Variants in FAR2 observed in about 807,000 individuals in gnomAD.
FAR2 encodes fatty acyl-CoA reductase 2, also known as epididymis secretory protein Li 81.
A neutral mutation model predicts 56.0 loss-of-function variants in FAR2; 19 were observed. The ratio of observed to expected loss-of-function variants is 0.34; its 90% CI spans 0.24 to 0.50. The LOEUF is 0.50. Ranked by LOEUF, FAR2 falls within the 20% of genes least tolerant of loss-of-function variation. The pLI, the probability that FAR2 is intolerant of heterozygous loss-of-function variation, is 0.98. For synonymous variants in FAR2, 219 were observed against 218.8 expected (o/e 1.00, Z -0.01); for missense variants, 508 against 642.2 (o/e 0.79, Z 2.26).
intron 1 of FAR2, among the ~76,000 whole-genome samples, chr12:29,186,651 T>A (rs1950043241): frequency 6.6e-6 from 1 of 152,284 alleles, no homozygotes; most frequent in South Asian, 2.1e-4. Context: ...ATATGCAATA[T>A]CTTTACCATT....
intron 1 of FAR2, among the ~76,000 whole-genome samples, chr12:29,182,770 T>C (rs908988495): frequency 3.3e-5 from 5 of 152,128 alleles, no homozygotes; most frequent in Non-Finnish European, 7.3e-5. Flanking sequence ...AGGATGTAGA[T>C]GGAGGGTTTT....
At chr12:29,268,312 AG>A (rs1450694789) in intron 1 of FAR2, among the ~76,000 whole-genome samples, 7 of 152,178 alleles carry the variant, frequency 4.6e-5, no homozygotes, top group Admixed American at 2.0e-4. Context: ...GTGGACAGAA[AG>A]GAAGATCTTC....
intron 1 of FAR2, among the ~76,000 whole-genome samples, chr12:29,237,513 G>A (rs1947960043): frequency 6.6e-6 from 1 of 152,186 alleles, no homozygotes; most frequent in Non-Finnish European, 1.5e-5. Flanking sequence ...AATATTTTGT[G>A]TGATGAAATA....
chr12:29,264,998 T>C (rs969333400), intron 1 of FAR2, among the ~76,000 whole-genome samples: 1 of 152,072 alleles, frequency 6.6e-6, no homozygotes, highest in Non-Finnish European at 1.5e-5. Context: ...ATAAAACCTA[T>C]AAAACATTGA....
chr12:29,207,566 G>T (rs1212192601), intron 1 of FAR2, among the ~76,000 whole-genome samples: 1 of 152,146 alleles, frequency 6.6e-6, no homozygotes, highest in African/African-American at 2.4e-5. Flanking sequence ...CCATTTACTT[G>T]CTACTATGGT....
chr12:29,202,896 G>A (rs756254095), intron 1 of FAR2, among the ~76,000 whole-genome samples: 2 of 152,102 alleles, frequency 1.3e-5, no homozygotes, highest in Non-Finnish European at 2.9e-5. Flanking sequence ...ACCCAGTCTC[G>A]GGTATCACTT....
intron 2 of FAR2, among the ~76,000 whole-genome samples, chr12:29,275,211 G>A (rs953854014): frequency 6.6e-6 from 1 of 151,872 alleles, no homozygotes; most frequent in Non-Finnish European, 1.5e-5. Context: ...GATTTGGGTA[G>A]GTAAAGGAAA....
chr12:29,178,196 A>G (rs1042749550), intron 1 of FAR2, among the ~76,000 whole-genome samples: 1 of 147,714 alleles, frequency 6.8e-6, no homozygotes, highest in African/African-American at 2.5e-5. Flanking sequence ...AAAAAAAAAA[A>G]GAAATTGGAG....
At chr12:29,170,681 C>T (rs980574749) in intron 1 of FAR2, among the ~76,000 whole-genome samples, 8 of 151,504 alleles carry the variant, frequency 5.3e-5, no homozygotes, top group Non-Finnish European at 1.0e-4. Context: ...TTCTCTGTCT[C>T]TTCCTCTCTC....
chr12:29,306,678 T>C (rs1949258367), intron 4 of FAR2, among the ~76,000 whole-genome samples: 1 of 152,232 alleles, frequency 6.6e-6, no homozygotes. Flanking sequence ...ACAATACTTT[T>C]GTTGCTTTCT....
chr12:29,185,334 A>G (rs1950031367), intron 1 of FAR2, among the ~76,000 whole-genome samples: 1 of 152,242 alleles, frequency 6.6e-6, no homozygotes, highest in African/African-American at 2.4e-5. Context: ...CTTCATTGGT[A>G]TCTATTGTTC....
intron 9 of FAR2, chr12:29,317,871 A>T (rs1256203183): frequency 6.5e-6 from 1 of 152,678 alleles, no homozygotes; most frequent in African/African-American, 2.4e-5. Flanking sequence ...AGTGACAGGA[A>T]GGATGTGGAG....
intron 1 of FAR2, among the ~76,000 whole-genome samples, chr12:29,249,298 C>T (rs1254272723): frequency 6.6e-6 from 1 of 152,154 alleles, no homozygotes; most frequent in South Asian, 2.1e-4. Context: ...CCGGTCCCTC[C>T]GTTTGGGGTC....
chr12:29,280,129 T>G (rs536681191), intron 2 of FAR2, among the ~76,000 whole-genome samples: 410 of 152,290 alleles, frequency 2.7e-3, no homozygotes, highest in Non-Finnish European at 3.7e-3. Context: ...TTCACCATGT[T>G]GGCCAGGCTT....
intron 1 of FAR2, among the ~76,000 whole-genome samples, chr12:29,181,210 T>C (rs1192103802): frequency 6.6e-6 from 1 of 152,204 alleles, no homozygotes; most frequent in East Asian, 1.9e-4. Flanking sequence ...CGTTCACCCG[T>C]AGAATTACAC....
intron 1 of FAR2, among the ~76,000 whole-genome samples, chr12:29,160,173 C>T (rs1346156153): frequency 6.6e-6 from 1 of 152,190 alleles, no homozygotes; most frequent in East Asian, 1.9e-4. Flanking sequence ...TCCTTGAAGT[C>T]CTCTAGACTT....
At chr12:29,321,225 C>A (rs752965164) in intron 9 of FAR2, among the ~76,000 whole-genome samples, 1 of 151,766 alleles carries the variant, frequency 6.6e-6, no homozygotes, top group Non-Finnish European at 1.5e-5. Context: ...CAAGAAAGTA[C>A]AATAAAAATG....
chr12:29,281,227 A>T (rs571124733), intron 2 of FAR2: 2 of 151,344 alleles, frequency 1.3e-5, no homozygotes, highest in Non-Finnish European at 2.9e-5. Context: ...GAAGTTGAAG[A>T]AAAAATAAAA....
intron 1 of FAR2, among the ~76,000 whole-genome samples, chr12:29,158,051 A>G (rs185811975): frequency 6.6e-6 from 1 of 152,354 alleles, no homozygotes; most frequent in Admixed American, 6.5e-5. Context: ...GATGGATGGT[A>G]TTCAGTTAGT....
Sources: allele counts gnomAD v4.1 joint callset (sites outside exome capture counted in the v4.1 genomes callset), GRCh38; gene constraint gnomAD v4.1.1; transcripts MANE v1.5; gene names NCBI Gene and HGNC (gene_info 2026-07-23, HGNC 2026-07-21).